Variants in TGM5 observed in about 807,000 individuals in gnomAD.
The protein encoded by TGM5 is protein-glutamine gamma-glutamyltransferase 5.
Under a neutral mutation model 77.2 loss-of-function variants are expected in TGM5, and 69 were observed. The observed-to-expected ratio is 0.89, with a 90% CI of 0.74 to 1.09. The LOEUF (loss-of-function observed/expected upper bound fraction) is 1.09. TGM5 is among the 50% of genes least tolerant of loss of function. The pLI is 0.00. For missense variants in TGM5, 842 were observed against 896.5 expected (o/e 0.94, Z 0.78); for synonymous variants, 346 against 351.8 (o/e 0.98, Z 0.18).
intron 6 of TGM5, among the ~76,000 whole-genome samples, chr15:43,241,813 T>G (rs1220498713): frequency 2.0e-5 from 3 of 151,772 alleles, no homozygotes; most frequent in African/African-American, 4.9e-5. Flanking sequence ...TTTTTTTTTG[T>G]ATTTTTAGTA....
intron 6 of TGM5, among the ~76,000 whole-genome samples, chr15:43,244,595 A>C (rs923635903): frequency 5.9e-5 from 9 of 152,254 alleles, no homozygotes; most frequent in African/African-American, 2.2e-4. Flanking sequence ...ATCACACTGC[A>C]TTCTCAGCAT....
At chr15:43,235,941 C>T (rs2042587398) in intron 9 of TGM5, 104 bp from the exon 10 acceptor site, 1 of 1,505,366 alleles carries the variant, frequency 6.6e-7, no homozygotes. Flanking sequence ...CAACTTCAGG[C>T]CTTCACTCCC....
At position 43,260,515 on chromosome 15, in the gene TGM5, C is replaced by G. The variant is rs201392336; in HGVS notation, c.75G>C (p.Glu25Asp). Reference protein sequence around the residue: ...SRNNVRHHTEEITVDHLLVRR... With the variant: ...SRNNVRHHTEDITVDHLLVRR... ...GAACAAGCAGGTGGTCCACAGTGAT[C>G]TCCTCCGTGTGGTGCCGCACATTAT... Residue 25 changes from glutamate (E) to aspartate (D), a missense_variant, in exon 2 of 13, where the codon GAG (glutamate) becomes GAC (aspartate). Physicochemically the swap from Glu to Asp is conservative, Grantham distance 45. Transcript: ENST00000220420. 16 of 1,614,192 alleles carry G rather than the reference C, an allele frequency of 9.9e-6. No individual in the cohort carries two copies. The African/African-American group carries it at 1.7e-4, about 17-fold the overall frequency.
intron 6 of TGM5, among the ~76,000 whole-genome samples, chr15:43,251,748 CT>C (rs1408352852): frequency 1.3e-5 from 2 of 152,210 alleles, no homozygotes; most frequent in Non-Finnish European, 2.9e-5. Context: ...CCATGTGTGA[CT>C]CATTTCCAAG....
chr15:43,260,890 C>T (rs1373188824), intron 1 of TGM5, among the ~76,000 whole-genome samples: 1 of 151,946 alleles, frequency 6.6e-6, no homozygotes, highest in Non-Finnish European at 1.5e-5. Context: ...GTAGACCTGG[C>T]CAAGTTTGAT....
At chr15:43,240,645 A>G (rs2042627850) in intron 7 of TGM5, among the ~76,000 whole-genome samples, 1 of 135,852 alleles carries the variant, frequency 7.4e-6, no homozygotes, top group African/African-American at 2.7e-5. Context: ...TAAACCCCAA[A>G]TGGGCTTTGT....
At position 43,241,019 on chromosome 15, in the gene TGM5, G is replaced by C. The variant is rs374078084; in HGVS notation, c.863-29C>G. On this transcript the variant is annotated intron_variant, in intron 6 of 12. Transcript: ENST00000220420. ...CAAAAAGGGCACAAAAAAATCACCT[G>C]TGAGCTGTAGATTCCGGACCCGTAT... The C allele has an allele frequency of 3.1e-6, 5 of 1,613,962 alleles. No individual in the cohort carries two copies. The African/African-American group carries it at 4.0e-5, about 13-fold the overall frequency.
intron 6 of TGM5, among the ~76,000 whole-genome samples, chr15:43,248,110 A>T (rs931826146): frequency 1.3e-5 from 2 of 152,202 alleles, no homozygotes; most frequent in Non-Finnish European, 2.9e-5. Context: ...GAAAGAAAGG[A>T]AATAAAAGGG....
intron 7 of TGM5, among the ~76,000 whole-genome samples, chr15:43,239,972 T>C (rs2042622467): frequency 1.3e-5 from 2 of 152,130 alleles, no homozygotes; most frequent in South Asian, 4.1e-4. Flanking sequence ...AGAAGTGTTT[T>C]TTTGGACCTT....
At chr15:43,240,192 C>T (rs1596442727) in intron 7 of TGM5, among the ~76,000 whole-genome samples, 2 of 152,216 alleles carry the variant, frequency 1.3e-5, no homozygotes, top group East Asian at 1.9e-4. Context: ...CCTTGTTTGA[C>T]TGTAGGTCAA....
intron 6 of TGM5, among the ~76,000 whole-genome samples, chr15:43,250,273 A>G (rs375933771): frequency 1.3e-5 from 2 of 152,188 alleles, no homozygotes; most frequent in South Asian, 4.1e-4. Context: ...AACACTCACT[A>G]TAGCCAGGCA....
chr15:43,249,601 T>C (rs868046339), intron 6 of TGM5, among the ~76,000 whole-genome samples: 2 of 152,190 alleles, frequency 1.3e-5, no homozygotes, highest in South Asian at 4.1e-4. Context: ...CTTGCTATCG[T>C]GAAAGGCATC....
In TGM5 at chr15:43,234,768, C is replaced by T. The variant is rs1258745351; in HGVS notation, c.1875+1G>A. 3.7e-6 allele frequency: 6 copies of T among 1,614,208 alleles called. No homozygotes were observed. The highest frequency in any genetic ancestry group is 2.5e-6 in the Non-Finnish European group (3 of 1,180,016). On this transcript the variant is annotated splice_donor_variant, in intron 11 of 12. Coordinates refer to ENST00000220420, the MANE Select transcript of TGM5 (RefSeq NM_201631.4). LOFTEE classifies it high-confidence loss of function. ...AAGCCATTTGCAGGACTCCTGCCTA[C>T]ATTAATCGTGATGCTTGGATAAGAT...
chr15:43,257,781 A>T (rs1299773990), intron 3 of TGM5, among the ~76,000 whole-genome samples: 1 of 152,226 alleles, frequency 6.6e-6, no homozygotes, highest in Non-Finnish European at 1.5e-5. Context: ...ATGCACACGT[A>T]TGTTTATTGT....
rs528585066 is a variant in TGM5 at position 43,240,328 on chromosome 15, A to G, written c.1001+524T>C. ...CCACTCAGTCTATTACCATTAGGTCATACCATTTGTCCAAGCAGATTTCTA... is the reference window on the plus strand; with the variant it reads ...CCACTCAGTCTATTACCATTAGGTCGTACCATTTGTCCAAGCAGATTTCTA... On this transcript the variant is annotated intron_variant, in intron 7 of 12. Coordinates refer to ENST00000220420, the MANE Select transcript of TGM5 (RefSeq NM_201631.4). Among the ~76,000 whole-genome samples the G allele has an allele frequency of 5.6e-4, 86 of 152,338 alleles. 1 individual carries two copies. In the South Asian group the frequency reaches 0.015, roughly 26 times the overall value.
Position 43,240,848 on chromosome 15 carries a change from TCA to T in TGM5, c.1001+2_1001+3del, listed in dbSNP as rs748610718. 4.0e-5 allele frequency: 64 copies of T among 1,614,030 alleles called. No individual in the cohort carries two copies. The highest frequency in any genetic ancestry group is 6.7e-5 in the Admixed American group (4 of 59,998). On this transcript the variant is annotated splice_donor_variant and splice_donor_region_variant and intron_variant, in intron 7 of 12. Transcript: ENST00000220420. LOFTEE classifies it high-confidence loss of function. Reference sequence around the variant, plus strand: ...TAGAAATAGGTTGAGAGGTTGTTTCTCACCAGATAGTATCCTTCTTCTTATTC... The same window carrying T: ...TAGAAATAGGTTGAGAGGTTGTTTCTCCAGATAGTATCCTTCTTCTTATTC...
chr15:43,261,857 A>T (rs937000952), intron 1 of TGM5, among the ~76,000 whole-genome samples: 1 of 152,162 alleles, frequency 6.6e-6, no homozygotes, highest in Non-Finnish European at 1.5e-5. Context: ...TTAATGCATT[A>T]TCAGATTACC....
rs375258415 is a variant in TGM5, at chr15:43,266,862, C to A, written c.-13G>T. 3.7e-6 allele frequency: 6 copies of A among 1,614,112 alleles called. No individual in the cohort carries two copies. The highest frequency in any genetic ancestry group is 3.3e-5 in the Admixed American group (2 of 60,028). On this transcript the variant is annotated 5_prime_UTR_variant, in exon 1 of 13. Transcript: ENST00000220420. ...TACCTTGGGCCATGGTAGCTGCCTC[C>A]GGTTCCTGGGATGCTCCCCACAGAA...
At chr15:43,257,439 C>T (rs148421608) in intron 3 of TGM5, among the ~76,000 whole-genome samples, 1 of 152,266 alleles carries the variant, frequency 6.6e-6, no homozygotes, top group African/African-American at 2.4e-5. Context: ...CCCATATGAA[C>T]AGAGGGTTTT....
Sources: gnomAD v4.1 joint callset for allele counts (sites outside exome capture counted in the v4.1 genomes callset) on GRCh38, gnomAD v4.1.1 for gene constraint, MANE v1.5 for transcripts, NCBI Gene and HGNC (gene_info 2026-07-23, HGNC 2026-07-21) for gene names.